Variants in GLCCI1 observed in about 807,000 individuals in gnomAD.
The protein encoded by GLCCI1 is glucocorticoid-induced transcript 1 protein.
In GLCCI1, 24 loss-of-function variants were observed where a neutral mutation model predicts 52.2. The observed-to-expected ratio is 0.46, with a 90% CI of 0.33 to 0.65. GLCCI1 has a LOEUF of 0.65. GLCCI1 is among the 30% of genes least tolerant of loss of function. The pLI is 0.02. For synonymous variants in GLCCI1, 310 were observed against 276.5 expected (o/e 1.12, Z -1.20); for missense variants, 704 against 701.5 (o/e 1.00, Z -0.04).
At chr7:8,076,032 A>G (rs1007077998) in intron 6 of GLCCI1, among the ~76,000 whole-genome samples, 4 of 152,242 alleles carry the variant, frequency 2.6e-5, no homozygotes, top group African/African-American at 9.6e-5. Flanking sequence ...CCCTAGGCAG[A>G]CTTTTGAAAC....
intron 1 of GLCCI1, among the ~76,000 whole-genome samples, chr7:7,978,855 G>A (rs895281095): frequency 7.2e-5 from 11 of 152,240 alleles, no homozygotes; most frequent in African/African-American, 2.4e-4. Flanking sequence ...ATACAAACTT[G>A]TGAAGTGATC....
chr7:7,994,109 C>T (rs1242325275), intron 1 of GLCCI1, among the ~76,000 whole-genome samples: 1 of 152,100 alleles, frequency 6.6e-6, no homozygotes, highest in African/African-American at 2.4e-5. Context: ...CAAAAATTAG[C>T]CAGACATGTT....
intron 3 of GLCCI1, among the ~76,000 whole-genome samples, chr7:8,052,193 T>C (rs1279875025): frequency 1.3e-5 from 2 of 152,214 alleles, no homozygotes; most frequent in African/African-American, 4.8e-5. Context: ...GGCTACAGCT[T>C]GCTGAGTAGA....
intron 2 of GLCCI1, among the ~76,000 whole-genome samples, chr7:8,015,167 A>G (rs998224457): frequency 6.6e-6 from 1 of 152,264 alleles, no homozygotes; most frequent in Admixed American, 6.5e-5. Flanking sequence ...TTGACGTCAT[A>G]TTTAAAGTAC....
At chr7:7,994,830 CAGAAAATGCT>C (rs1361785751) in intron 1 of GLCCI1, among the ~76,000 whole-genome samples, 5 of 152,280 alleles carry the variant, frequency 3.3e-5, no homozygotes, top group African/African-American at 9.6e-5. Flanking sequence ...ATTTAATGGA[CAGAAAATGCT>C]ACATATATTA....
chr7:8,082,184 G>A (rs999850175), intron 6 of GLCCI1, among the ~76,000 whole-genome samples: 1 of 152,178 alleles, frequency 6.6e-6, no homozygotes, highest in African/African-American at 2.4e-5. Flanking sequence ...TAAATGAATA[G>A]TAATAGTTTG....
chr7:8,058,231 A>G (rs1486182581), intron 4 of GLCCI1, among the ~76,000 whole-genome samples: 3 of 152,226 alleles, frequency 2.0e-5, no homozygotes, highest in Admixed American at 1.3e-4. Flanking sequence ...TATGTAAACT[A>G]TACATCTTTG....
intron 1 of GLCCI1, chr7:7,981,775 A>G (rs1780627420): frequency 1.4e-5 from 5 of 367,076 alleles, no homozygotes; most frequent in African/African-American, 4.3e-5. Context: ...GGAGTATACA[A>G]AGGAACAGGA....
At chr7:8,028,681 T>G (rs1370592199) in intron 3 of GLCCI1, among the ~76,000 whole-genome samples, 3 of 152,010 alleles carry the variant, frequency 2.0e-5, no homozygotes, top group Non-Finnish European at 4.4e-5. Flanking sequence ...AAAAGTTAGT[T>G]TTTTGAAAAG....
At chr7:8,037,371 G>A (rs1781889985) in intron 3 of GLCCI1, among the ~76,000 whole-genome samples, 1 of 152,146 alleles carries the variant, frequency 6.6e-6, no homozygotes, top group South Asian at 2.1e-4. Context: ...CACTAGACTG[G>A]TCCTACAAGA....
chr7:8,078,679 GT>G (rs1447674990), intron 6 of GLCCI1: 1 of 152,192 alleles, frequency 6.6e-6, no homozygotes, highest in Non-Finnish European at 1.5e-5. Context: ...ACATAGCAAG[GT>G]CAGAGGAACT....
At chr7:8,084,063 C>T (rs918467787) in intron 6 of GLCCI1, among the ~76,000 whole-genome samples, 3 of 152,174 alleles carry the variant, frequency 2.0e-5, no homozygotes, top group African/African-American at 7.2e-5. Flanking sequence ...TTAAATAGGA[C>T]TATTGTATAC....
Position 8,055,295 on chromosome 7 carries a change from A to C in GLCCI1, c.697-138A>C, listed in dbSNP as rs1782359056. 3 of 480,698 alleles carry C rather than the reference A, an allele frequency of 6.2e-6. No homozygotes were observed. The South Asian group carries it at 1.1e-4, about 18-fold the overall frequency. The allele number at this position is 480,698 out of a possible 1,614,324, so 29.8% of individuals were successfully genotyped here. A position where few individuals can be genotyped will look rare whatever the true frequency, so the allele number is the denominator to read the frequency against. ...AATAATCCCAAAAACTTGCAAGAGTAAATCATGGTGGTGAAATATTGTCTC... is the reference window on the plus strand; with the variant it reads ...AATAATCCCAAAAACTTGCAAGAGTCAATCATGGTGGTGAAATATTGTCTC... On this transcript the variant is annotated intron_variant, in intron 3 of 7. Coordinates refer to ENST00000223145, the MANE Select transcript of GLCCI1 (RefSeq NM_138426.4).
chr7:8,067,507 T>G (rs1029556588), intron 5 of GLCCI1, among the ~76,000 whole-genome samples: 3 of 152,224 alleles, frequency 2.0e-5, no homozygotes, highest in Non-Finnish European at 4.4e-5. Flanking sequence ...TAGTGGCTGA[T>G]AACGTTCTTT....
intron 3 of GLCCI1, among the ~76,000 whole-genome samples, chr7:8,031,051 G>T (rs1426070815): frequency 6.6e-6 from 1 of 152,098 alleles, no homozygotes; most frequent in Non-Finnish European, 1.5e-5. Flanking sequence ...ATACCCAAAG[G>T]AAAGAAAATC....
At position 8,045,554 on chromosome 7, in the gene GLCCI1, T is replaced by C. The variant is rs527642601; in HGVS notation, c.697-9879T>C. ...TGGAACTGGGCTCTCTGTATAAAAG[T>C]AGGGAACTGGGACCGTGTTTTAGGC... On this transcript the variant is annotated intron_variant, in intron 3 of 7. Transcript: ENST00000223145. Among the ~76,000 whole-genome samples, 6 of 152,274 alleles carry C rather than the reference T, an allele frequency of 3.9e-5. No homozygotes were observed. The South Asian group carries it at 1.2e-3, about 32-fold the overall frequency.
At chr7:7,990,009 A>G (rs183993141) in intron 1 of GLCCI1, among the ~76,000 whole-genome samples, 1 of 152,186 alleles carries the variant, frequency 6.6e-6, no homozygotes, top group African/African-American at 2.4e-5. Flanking sequence ...ACACATAGAA[A>G]GGATTTTAAA....
At chr7:7,971,020 G>GTT (rs1780343112) in intron 1 of GLCCI1, among the ~76,000 whole-genome samples, 1 of 152,112 alleles carries the variant, frequency 6.6e-6, no homozygotes, top group South Asian at 2.1e-4. Context: ...CAGTCTTGGT[G>GTT]TTTTTGTTTT....
rs868688395 is a variant in GLCCI1, at chr7:7,969,259, C to T, written c.-92C>T. 8.2e-7 allele frequency: 1 copy of T among 1,217,066 alleles called. No homozygotes were observed. The highest frequency in any genetic ancestry group is 1.9e-5 in the South Asian group (1 of 52,714). 75.4% of individuals were successfully genotyped at this position (1,217,066 alleles called of 1,614,324 possible). ...CCCGCCCCTCCCCCTTACACACTCG[C>T]ACGCACTATCGCGCCGGCTCCCACA... On this transcript the variant is annotated 5_prime_UTR_variant, in exon 1 of 8. Transcript: ENST00000223145. This position sits in a 1 kb window ranked among gnomAD's most constrained non-coding sequence, Gnocchi z 4.9.
Sources: allele counts gnomAD v4.1 joint callset (sites outside exome capture counted in the v4.1 genomes callset), GRCh38; gene constraint gnomAD v4.1.1; non-coding constraint Gnocchi (gnomAD v3.1); transcripts MANE v1.5; gene names NCBI Gene and HGNC (gene_info 2026-07-23, HGNC 2026-07-21).